The following PTPRD variants were observed in gnomAD, a reference collection of about 807,000 sequenced individuals.
PTPRD encodes the protein receptor-type tyrosine-protein phosphatase delta.
Under a neutral mutation model 214.5 loss-of-function variants are expected in PTPRD, and 34 were observed. The observed-to-expected ratio is 0.16, with a 90% CI of 0.12 to 0.21. The LOEUF (loss-of-function observed/expected upper bound fraction) is 0.21, where lower values mean the gene tolerates loss of function less well. Ranked by LOEUF, PTPRD falls within the 10% of genes least tolerant of loss-of-function variation. The pLI is 1.00. For missense variants in PTPRD, 2,545 were observed against 2,398.7 expected, an observed-to-expected ratio of 1.06 and a Z score of -1.27; for synonymous variants, 1,128 against 845.7, an observed-to-expected ratio of 1.33 and a Z score of -5.79.
chr9:8,404,601 T>C lies in PTPRD; in HGVS notation c.4146A>G (p.Pro1382=), dbSNP rs1341714286. ...CGATTACATTCGCGTATCTATTCTTTGGTTTGTTTACTTCCAAGTTTGAAT... is the reference window on the plus strand; with the variant it reads ...CGATTACATTCGCGTATCTATTCTTCGGTTTGTTTACTTCCAAGTTTGAAT... The part of the protein sequence containing the change: ...WEHSNLEVNK[P]KNRYANVIAY... Residue 1382 remains proline (P), a synonymous_variant, in exon 36 of 46, where the codon CCA becomes CCG. Transcript: ENST00000381196. 6 of 1,613,706 alleles carry C rather than the reference T, an allele frequency of 3.7e-6. No homozygotes were observed. Among genetic ancestry groups the C allele is most frequent in the Non-Finnish European group, 5.1e-6 (6 of 1,179,706 alleles).
At chr9:9,193,703 C>G (rs2131945596) in intron 9 of PTPRD, among the ~76,000 whole-genome samples, 1 of 152,194 alleles carries the variant, frequency 6.6e-6, no homozygotes, top group East Asian at 1.9e-4. Context: ...AAAAATGGTA[C>G]ACCTGTGTAG....
chr9:8,491,016 G>C lies in PTPRD; in HGVS notation c.2467+1846C>G, dbSNP rs2097138421. ...TTTAATACAGTAGACAAAACAAATTGATATATTCACTAATTGCCTAGGGAT... is the reference window on the plus strand; with the variant it reads ...TTTAATACAGTAGACAAAACAAATTCATATATTCACTAATTGCCTAGGGAT... On this transcript the variant is annotated intron_variant, in intron 27 of 45. Coordinates refer to ENST00000381196, the MANE Select transcript of PTPRD (RefSeq NM_002839.4). 2.0e-5 allele frequency among the ~76,000 whole-genome samples: 3 copies of C among 152,302 alleles called. No homozygotes were observed. In the South Asian group the frequency reaches 6.2e-4, roughly 32 times the overall value.
intron 9 of PTPRD, among the ~76,000 whole-genome samples, chr9:9,333,407 G>T (rs995397516): frequency 6.7e-6 from 1 of 149,930 alleles, no homozygotes; most frequent in African/African-American, 2.5e-5. Context: ...GTTTAGGGGA[G>T]AATAAAAGCT....
At chr9:8,421,370 T>TTCTCTCTC (rs1554921173) in intron 35 of PTPRD, among the ~76,000 whole-genome samples, 6 of 146,644 alleles carry the variant, frequency 4.1e-5, no homozygotes, top group Admixed American at 2.7e-4. Flanking sequence ...TTCTCTTCTC[T>TTCTCTCTC]TCTCTCTCTC....
chr9:9,141,973 G>A (rs1417857675), intron 10 of PTPRD, among the ~76,000 whole-genome samples: 11 of 152,140 alleles, frequency 7.2e-5, no homozygotes, highest in Admixed American at 6.5e-4. Flanking sequence ...CAAGGCATGT[G>A]GTTTGACTGC....
At chr9:8,581,521 G>A (rs1191581744) in intron 14 of PTPRD, among the ~76,000 whole-genome samples, 1 of 147,716 alleles carries the variant, frequency 6.8e-6, no homozygotes, top group East Asian at 2.1e-4. Flanking sequence ...GGCCGAGGTG[G>A]GCGGATCACG....
intron 8 of PTPRD, chr9:9,442,527 A>G (rs1035334539): frequency 7.9e-5 from 12 of 152,238 alleles, no homozygotes; most frequent in African/African-American, 2.9e-4. Context: ...GATAAACTCC[A>G]CTAAATGGCT....
chr9:9,714,150 C>G (rs551528728), intron 7 of PTPRD, among the ~76,000 whole-genome samples: 30 of 151,100 alleles, frequency 2.0e-4, no homozygotes, highest in African/African-American at 7.3e-4. Flanking sequence ...ACTAAAGCTT[C>G]CTGTATTTAA....
chr9:10,578,015 G>A (rs987151911), intron 2 of PTPRD, among the ~76,000 whole-genome samples: 1 of 151,296 alleles, frequency 6.6e-6, no homozygotes, highest in African/African-American at 2.4e-5. Flanking sequence ...AGGTTCAAGC[G>A]ATTCTCTTGC....
chr9:9,186,828 G>C (rs984927162), intron 9 of PTPRD, among the ~76,000 whole-genome samples: 2 of 151,892 alleles, frequency 1.3e-5, no homozygotes, highest in African/African-American at 4.8e-5. Context: ...TGCATTAAAA[G>C]AGCATAATCT....
intron 2 of PTPRD, among the ~76,000 whole-genome samples, chr9:10,457,660 A>G (rs912581773): frequency 6.6e-6 from 1 of 152,068 alleles, no homozygotes; most frequent in African/African-American, 2.4e-5. Flanking sequence ...AGAAACTTTC[A>G]GAAAGTTTCC....
intron 14 of PTPRD, among the ~76,000 whole-genome samples, chr9:8,589,429 G>C (rs1444130880): frequency 6.6e-6 from 1 of 152,190 alleles, no homozygotes; most frequent in African/African-American, 2.4e-5. Context: ...TTTCTGACTT[G>C]TCGCTTGATT....
chr9:9,425,238 T>C (rs2080363939), intron 8 of PTPRD, among the ~76,000 whole-genome samples: 2 of 151,928 alleles, frequency 1.3e-5, no homozygotes, highest in Non-Finnish European at 2.9e-5. Context: ...GCAGCTGTCA[T>C]CAGGAGAGAC....
intron 10 of PTPRD, among the ~76,000 whole-genome samples, chr9:9,039,612 G>A (rs116200946): frequency 8.8e-4 from 134 of 152,252 alleles, no homozygotes; most frequent in African/African-American, 3.1e-3. Context: ...AAACTGCCTG[G>A]TCTATAAAGC....
chr9:9,329,035 T>C (rs532171061), intron 9 of PTPRD, among the ~76,000 whole-genome samples: 1 of 152,118 alleles, frequency 6.6e-6, no homozygotes, highest in Non-Finnish European at 1.5e-5. Context: ...TCTTTATCTT[T>C]TTGTTCTTTG....
intron 10 of PTPRD, among the ~76,000 whole-genome samples, chr9:9,169,989 G>C (rs2890855): frequency 0.4 from 60,862 of 152,020 alleles, 12,944 homozygotes; most frequent in South Asian, 0.62. Context: ...TTGTCATTTT[G>C]CAAGCACCAC....
At chr9:9,317,327 A>C (rs879415884) in intron 9 of PTPRD, among the ~76,000 whole-genome samples, 3 of 152,178 alleles carry the variant, frequency 2.0e-5, no homozygotes, top group Non-Finnish European at 4.4e-5. Context: ...CCTGCTAAAT[A>C]TCTCTTTTCC....
intron 14 of PTPRD, among the ~76,000 whole-genome samples, chr9:8,541,014 A>T (rs994540173): frequency 4.6e-5 from 7 of 152,220 alleles, no homozygotes; most frequent in African/African-American, 1.7e-4. Flanking sequence ...TGAAAAGATC[A>T]AAATCTTAAA....
intron 10 of PTPRD, chr9:9,090,812 G>T (rs904214134): frequency 1.5e-5 from 11 of 712,648 alleles, no homozygotes; most frequent in Non-Finnish European, 2.8e-5. Context: ...AACTCTTAAT[G>T]ACATCTCAAT....
Sources: allele counts gnomAD v4.1 joint callset (sites outside exome capture counted in the v4.1 genomes callset), GRCh38; gene constraint gnomAD v4.1.1; transcripts MANE v1.5; gene names NCBI Gene and HGNC (gene_info 2026-07-23, HGNC 2026-07-21).